CDH10: variants seen among roughly 807,000 people sequenced by gnomAD.
The protein encoded by CDH10 is cadherin 10.
Under a neutral mutation model 73.1 loss-of-function variants are expected in CDH10, and 30 were observed. The ratio of observed to expected loss-of-function variants is 0.41; its 90% confidence interval spans 0.31 to 0.56. The LOEUF (loss-of-function observed/expected upper bound fraction) is 0.56. Among genes scored for constraint, CDH10 ranks in the 20% least tolerant of loss-of-function variants. The probability of loss-of-function intolerance (pLI) is 0.27; values close to 1 mark genes in which losing one functional copy is unlikely to be tolerated. For missense variants in CDH10, 815 were observed against 973.7 expected (o/e 0.84, Z 2.17); for synonymous variants, 345 against 348.2 (o/e 0.99, Z 0.10).
intron 1 of CDH10, among the ~76,000 whole-genome samples, chr5:24,614,132 A>G (rs1048452690): frequency 1.3e-5 from 2 of 152,154 alleles, no homozygotes; most frequent in African/African-American, 2.4e-5. Context: ...GTGTCATTAC[A>G]TATCTATAAT....
At chr5:24,492,640 T>C (rs1467745614) in intron 10 of CDH10, among the ~76,000 whole-genome samples, 177 bp downstream of exon 10, 1 of 152,186 alleles carries the variant, frequency 6.6e-6, no homozygotes, top group Non-Finnish European at 1.5e-5. Flanking sequence ...ATTTTAAAAT[T>C]GAAGACAGTA....
intron 3 of CDH10, among the ~76,000 whole-genome samples, chr5:24,536,481 A>G (rs1743957383): frequency 1.3e-5 from 2 of 152,086 alleles, no homozygotes; most frequent in East Asian, 3.9e-4. Flanking sequence ...AAGTAAAAAA[A>G]AGCTTTAGAT....
chr5:24,550,595 A>T (rs986811873), intron 2 of CDH10, among the ~76,000 whole-genome samples: 32 of 152,270 alleles, frequency 2.1e-4, no homozygotes, highest in Admixed American at 3.9e-4. Context: ...AGATCTTTAT[A>T]CAACCTCCAT....
chr5:24,570,571 A>C (rs1382503541), intron 2 of CDH10, among the ~76,000 whole-genome samples: 1 of 152,098 alleles, frequency 6.6e-6, no homozygotes, highest in African/African-American at 2.4e-5. Flanking sequence ...TACGAAGAGC[A>C]TTCCCGAATA....
intron 2 of CDH10, among the ~76,000 whole-genome samples, chr5:24,558,713 T>C (rs1359469086): frequency 6.6e-6 from 1 of 151,680 alleles, no homozygotes; most frequent in East Asian, 1.9e-4. Flanking sequence ...AGAGAAACAT[T>C]TTTAAATATT....
At chr5:24,611,182 A>C (rs1210110358) in intron 1 of CDH10, among the ~76,000 whole-genome samples, 5 of 152,184 alleles carry the variant, frequency 3.3e-5, no homozygotes, top group African/African-American at 1.2e-4. Context: ...CGGGGTGCCC[A>C]TGACTAGGCC....
intron 8 of CDH10, among the ~76,000 whole-genome samples, chr5:24,502,758 T>C (rs765961243): frequency 1.3e-5 from 2 of 152,130 alleles, no homozygotes; most frequent in Non-Finnish European, 2.9e-5. Context: ...TAGGCTTGAA[T>C]AAGGATATTG....
chr5:24,497,392 C>G (rs913438774), intron 9 of CDH10, among the ~76,000 whole-genome samples: 5 of 151,914 alleles, frequency 3.3e-5, no homozygotes, highest in Admixed American at 3.3e-4. Flanking sequence ...TGCACTGTTT[C>G]ATTAAGTAGT....
intron 1 of CDH10, among the ~76,000 whole-genome samples, chr5:24,641,551 TGTAA>T (rs1048808107): frequency 2.6e-5 from 4 of 152,218 alleles, no homozygotes; most frequent in Non-Finnish European, 5.9e-5. Flanking sequence ...CATTGGTCTG[TGTAA>T]GTGTCAAGAA....
chr5:24,510,844 GTTTAA>G (rs1714829916), intron 6 of CDH10, among the ~76,000 whole-genome samples: 1 of 152,146 alleles, frequency 6.6e-6, no homozygotes, highest in Non-Finnish European at 1.5e-5. Flanking sequence ...TAGCAGAAGA[GTTTAA>G]TTTATACAGC....
chr5:24,556,468 T>C (rs1043524984), intron 2 of CDH10, among the ~76,000 whole-genome samples: 5 of 152,016 alleles, frequency 3.3e-5, no homozygotes, highest in African/African-American at 1.2e-4. Context: ...TTAATTTATA[T>C]ATTTTCTGTA....
At chr5:24,625,991 A>C (rs1747483181) in intron 1 of CDH10, among the ~76,000 whole-genome samples, 1 of 152,096 alleles carries the variant, frequency 6.6e-6, no homozygotes, top group South Asian at 2.1e-4. Context: ...CATTAATATG[A>C]ATTAATTGTA....
chr5:24,539,356 C>A (rs185433854), intron 2 of CDH10, among the ~76,000 whole-genome samples: 16 of 151,940 alleles, frequency 1.1e-4, no homozygotes, highest in African/African-American at 3.1e-4. Context: ...CTTATGAGAA[C>A]TTATTTCAAT....
intron 1 of CDH10, among the ~76,000 whole-genome samples, chr5:24,622,331 C>T (rs534225563): frequency 1.2e-3 from 179 of 152,138 alleles, no homozygotes; most frequent in African/African-American, 3.9e-3. Context: ...TATATCTGAT[C>T]GCAATTTGGC....
intron 8 of CDH10, among the ~76,000 whole-genome samples, chr5:24,500,177 T>C (rs576596777): frequency 6.6e-6 from 1 of 152,268 alleles, no homozygotes; most frequent in Non-Finnish European, 1.5e-5. Flanking sequence ...AGGAAGTATA[T>C]TACTACTAAA....
chr5:24,615,715 G>A (rs1747103603), intron 1 of CDH10, among the ~76,000 whole-genome samples: 1 of 152,120 alleles, frequency 6.6e-6, no homozygotes, highest in African/African-American at 2.4e-5. Context: ...TAATTTCCAG[G>A]TACCATAGGA....
At chr5:24,603,293 A>T (rs1746633534) in intron 1 of CDH10, among the ~76,000 whole-genome samples, 1 of 152,238 alleles carries the variant, frequency 6.6e-6, no homozygotes, top group South Asian at 2.1e-4. Flanking sequence ...TATGTAGAAT[A>T]TAAAGAATAA....
intron 2 of CDH10, among the ~76,000 whole-genome samples, chr5:24,564,501 G>C (rs1745094414): frequency 6.6e-6 from 1 of 152,092 alleles, no homozygotes; most frequent in Non-Finnish European, 1.5e-5. Flanking sequence ...GTCAGATCCT[G>C]GCATGGCATT....
chr5:24,528,423 G>C (rs746899372), intron 5 of CDH10, among the ~76,000 whole-genome samples: 1 of 151,870 alleles, frequency 6.6e-6, no homozygotes, highest in Non-Finnish European at 1.5e-5. Flanking sequence ...TATTTACAAA[G>C]TGAAAATCAG....
Sources: allele counts gnomAD v4.1 joint callset (sites outside exome capture counted in the v4.1 genomes callset), GRCh38; gene constraint gnomAD v4.1.1; transcripts MANE v1.5; gene names NCBI Gene and HGNC (gene_info 2026-07-23, HGNC 2026-07-21).